Variants in PCDH9 observed in about 807,000 individuals in gnomAD.
PCDH9 encodes the protein protocadherin-9.
A neutral mutation model predicts 70.6 loss-of-function variants in PCDH9; 24 were observed. The ratio of observed to expected loss-of-function variants is 0.34; its 90% confidence interval spans 0.25 to 0.48. The LOEUF is 0.48. Among genes scored for constraint, PCDH9 ranks in the 20% least tolerant of loss-of-function variants. The pLI is 0.99. For synonymous variants in PCDH9, 562 were observed against 558.5 expected, an observed-to-expected ratio of 1.01 and a Z score of -0.09; for missense variants, 1,281 against 1,503.6, an observed-to-expected ratio of 0.85 and a Z score of 2.45.
At chr13:66,816,460 A>G (rs1854696180) in intron 3 of PCDH9, among the ~76,000 whole-genome samples, 1 of 152,098 alleles carries the variant, frequency 6.6e-6, no homozygotes, top group South Asian at 2.1e-4. Flanking sequence ...CTCCCCCCAC[A>G]CACACTCACA....
chr13:66,562,441 A>G (rs2076587285), intron 4 of PCDH9, among the ~76,000 whole-genome samples: 1 of 152,182 alleles, frequency 6.6e-6, no homozygotes, highest in Admixed American at 6.5e-5. Flanking sequence ...TTATTAAAAA[A>G]AAGAGGTTTA....
At chr13:66,610,233 G>A (rs1371351176) in intron 4 of PCDH9, among the ~76,000 whole-genome samples, 2 of 152,036 alleles carry the variant, frequency 1.3e-5, no homozygotes, top group East Asian at 3.9e-4. Context: ...GAGAACAGGG[G>A]TAAGGGGGAA....
At chr13:66,653,613 A>G (rs1304127742) in intron 3 of PCDH9, among the ~76,000 whole-genome samples, 4 of 152,106 alleles carry the variant, frequency 2.6e-5, no homozygotes, top group Non-Finnish European at 5.9e-5. Context: ...GAGGTCCCTC[A>G]AAAAAGTAAA....
At chr13:66,597,066 T>C (rs531411587) in intron 4 of PCDH9, among the ~76,000 whole-genome samples, 1 of 151,796 alleles carries the variant, frequency 6.6e-6, no homozygotes, top group East Asian at 1.9e-4. Context: ...TTATAATTCA[T>C]TGTCATCTTT....
intron 2 of PCDH9, among the ~76,000 whole-genome samples, chr13:67,163,311 G>T (rs566119017): frequency 1.3e-4 from 20 of 152,244 alleles, no homozygotes; most frequent in African/African-American, 4.1e-4. Context: ...ATTAAAGAAA[G>T]TATCTATAAA....
At position 66,965,958 on chromosome 13, in the gene PCDH9, C is replaced by T. The variant is rs188726484; in HGVS notation, c.3037-62353G>A. 3.2e-4 allele frequency among the ~76,000 whole-genome samples: 49 copies of T among 152,088 alleles called. No individual in the cohort carries two copies. The Middle Eastern group carries it at 0.017, about 53-fold the overall frequency. On this transcript the variant is annotated intron_variant, in intron 2 of 4. Coordinates refer to ENST00000377865, the MANE Select transcript of PCDH9 (RefSeq NM_203487.3). Reference sequence around the variant, plus strand: ...GCCAGAAATTCAAGGTCAAAGAATACTTTACATTTTCAAGAATTGAATTTA... The same window carrying T: ...GCCAGAAATTCAAGGTCAAAGAATATTTTACATTTTCAAGAATTGAATTTA...
chr13:66,721,336 C>A (rs567695738), intron 3 of PCDH9, among the ~76,000 whole-genome samples: 2 of 152,262 alleles, frequency 1.3e-5, no homozygotes, highest in Non-Finnish European at 2.9e-5. Flanking sequence ...AACACATTAC[C>A]TATTCTCAGC....
At chr13:67,117,714 A>T (rs12855007) in intron 2 of PCDH9, among the ~76,000 whole-genome samples, 1 of 152,144 alleles carries the variant, frequency 6.6e-6, no homozygotes. Flanking sequence ...TAAATGTCCA[A>T]TTTCACAGAT....
chr13:66,864,371 G>A (rs1330770645), intron 3 of PCDH9, among the ~76,000 whole-genome samples: 1 of 152,092 alleles, frequency 6.6e-6, no homozygotes, highest in Non-Finnish European at 1.5e-5. Context: ...AAAAAGGGGG[G>A]TGGGGGGCGT....
At chr13:66,792,895 TA>T (rs1238129347) in intron 3 of PCDH9, among the ~76,000 whole-genome samples, 4 of 151,916 alleles carry the variant, frequency 2.6e-5, no homozygotes, top group African/African-American at 9.7e-5. Flanking sequence ...GAGTAGTTAC[TA>T]TAGTGTATTG....
intron 3 of PCDH9, among the ~76,000 whole-genome samples, chr13:66,725,021 G>A (rs2078987824): frequency 6.6e-6 from 1 of 152,066 alleles, no homozygotes; most frequent in Non-Finnish European, 1.5e-5. Context: ...TCTCCCAGAT[G>A]GCTGACTTCC....
At chr13:66,660,121 T>A (rs2077988840) in intron 3 of PCDH9, among the ~76,000 whole-genome samples, 2 of 152,310 alleles carry the variant, frequency 1.3e-5, no homozygotes, top group South Asian at 4.2e-4. Context: ...CATAACCTGC[T>A]GGGGCTTGAG....
At position 66,873,644 on chromosome 13, in the gene PCDH9, C is replaced by T. The variant is rs1307572176; in HGVS notation, c.3138+29860G>A. Among the ~76,000 whole-genome samples the T allele has an allele frequency of 6.6e-5, 10 of 152,022 alleles. No homozygotes were observed. In the South Asian group the frequency reaches 8.3e-4, roughly 13 times the overall value. On this transcript the variant is annotated intron_variant, in intron 3 of 4. Transcript: ENST00000377865. ...AGATGATCTTTTTAATATTGAAGGA[C>T]ACATAGACAAAACATAGCTCCTCCC... is the stretch of plus-strand genomic sequence containing the variant.
chr13:66,368,914 G>A (rs796773539), intron 4 of PCDH9, among the ~76,000 whole-genome samples: 9 of 151,984 alleles, frequency 5.9e-5, no homozygotes, highest in African/African-American at 1.7e-4. Flanking sequence ...TCATGAGAAC[G>A]GCATGGGAAA....
intron 3 of PCDH9, among the ~76,000 whole-genome samples, chr13:66,759,660 T>C (rs537436347): frequency 5.3e-5 from 8 of 152,270 alleles, no homozygotes; most frequent in African/African-American, 1.9e-4. Context: ...GTATGTATTC[T>C]AGAGTTTTGC....
intron 3 of PCDH9, among the ~76,000 whole-genome samples, chr13:66,676,701 A>G (rs1441483286): frequency 6.6e-6 from 1 of 152,092 alleles, no homozygotes; most frequent in Non-Finnish European, 1.5e-5. Context: ...TTATCTATCT[A>G]TTGACCAATC....
chr13:66,963,159 T>C lies in PCDH9; in HGVS notation c.3037-59554A>G, dbSNP rs2083375617. 2.6e-5 allele frequency among the ~76,000 whole-genome samples: 4 copies of C among 152,154 alleles called. No individual in the cohort carries two copies. In the South Asian group the frequency reaches 8.3e-4, roughly 31 times the overall value. Reference sequence around the variant, plus strand: ...AGAGCTCAGGCGGTAATGTGAGCAATGGAGAGCAGCTGTAAGTACAGATGA... The same window carrying C: ...AGAGCTCAGGCGGTAATGTGAGCAACGGAGAGCAGCTGTAAGTACAGATGA... On this transcript the variant is annotated intron_variant, in intron 2 of 4. Transcript: ENST00000377865.
chr13:66,978,189 G>GTTGTTGCTGTTA (rs1412965926), intron 2 of PCDH9, among the ~76,000 whole-genome samples: 1 of 152,088 alleles, frequency 6.6e-6, no homozygotes, highest in Non-Finnish European at 1.5e-5. Flanking sequence ...GAGTTTTGTT[G>GTTGTTGCTGTTA]TTGTTGCTGT....
intron 4 of PCDH9, among the ~76,000 whole-genome samples, chr13:66,370,757 A>G (rs1388346172): frequency 6.6e-6 from 1 of 151,226 alleles, no homozygotes; most frequent in African/African-American, 2.4e-5. Context: ...CAAACAATCC[A>G]CCTGCCTCAG....
Sources: allele counts gnomAD v4.1 joint callset (sites outside exome capture counted in the v4.1 genomes callset), GRCh38; gene constraint gnomAD v4.1.1; transcripts MANE v1.5; gene names NCBI Gene and HGNC (gene_info 2026-07-23, HGNC 2026-07-21).